DKK2: variants seen among roughly 807,000 people sequenced by gnomAD.
The protein encoded by DKK2 is dickkopf Wnt signaling pathway inhibitor 2, also known as dickkopf-related protein 2.
Under a neutral mutation model 28.1 loss-of-function variants are expected in DKK2, and 11 were observed. The ratio of observed to expected loss-of-function variants is 0.39; its 90% CI spans 0.25 to 0.65. DKK2 has a LOEUF of 0.65. DKK2 is among the 30% of genes least tolerant of loss of function. DKK2 has a pLI of 0.47. For synonymous variants in DKK2, 135 were observed against 126.5 expected (o/e 1.07, Z -0.45); for missense variants, 326 against 335.5 (o/e 0.97, Z 0.22).
chr4:107,005,574 T>C (rs949443002), intron 1 of DKK2, among the ~76,000 whole-genome samples: 35 of 152,268 alleles, frequency 2.3e-4, no homozygotes, highest in African/African-American at 8.2e-4. Flanking sequence ...ATCATTATAT[T>C]CTTTCTTCCT....
chr4:107,019,135 G>T (rs1723654491), intron 1 of DKK2, among the ~76,000 whole-genome samples: 1 of 152,006 alleles, frequency 6.6e-6, no homozygotes, highest in South Asian at 2.1e-4. Flanking sequence ...TACGGGCACG[G>T]CTGTATAGAG....
intron 1 of DKK2, among the ~76,000 whole-genome samples, chr4:106,977,823 T>C: frequency 6.6e-6 from 1 of 152,248 alleles, no homozygotes; most frequent in South Asian, 2.1e-4. Flanking sequence ...GGCGCTCTGG[T>C]TTTTGGAATT....
chr4:106,961,570 C>CACACACAA (rs144852100), intron 1 of DKK2, among the ~76,000 whole-genome samples: 13,477 of 149,154 alleles, frequency 0.09, 819 homozygotes, highest in African/African-American at 0.18. Context: ...AGCCTGCACA[C>CACACACAA]ACACACACAC....
chr4:106,922,728 C>G lies in DKK2; in HGVS notation c.*1226G>C, dbSNP rs142475102. 9 of 152,266 alleles carry G rather than the reference C, an allele frequency of 5.9e-5. No homozygotes were observed. Among genetic ancestry groups the G allele is most frequent in the African/African-American group, 2.2e-4 (9 of 41,582 alleles). The allele number at this position is 152,266 out of a possible 1,614,324, so 9.4% of individuals were successfully genotyped here. A position where few individuals can be genotyped will look rare whatever the true frequency, so the allele number is the denominator to read the frequency against. ...AAATAATTTGAGGATAGTACGGACA[C>G]AGGACCTCACACTGAATTCATCTGC... is the stretch of plus-strand genomic sequence containing the variant. On this transcript the variant is annotated 3_prime_UTR_variant, in exon 4 of 4. Coordinates refer to ENST00000285311, the MANE Select transcript of DKK2 (RefSeq NM_014421.3).
At chr4:107,031,794 A>G (rs1723878781) in intron 1 of DKK2, among the ~76,000 whole-genome samples, 2 of 152,038 alleles carry the variant, frequency 1.3e-5, no homozygotes, top group African/African-American at 4.8e-5. Context: ...TTTCATTCAC[A>G]CAGAAAAATA....
At chr4:106,924,842 T>A in intron 2 of DKK2, 142 bp from the exon 3 acceptor site, 1 of 845,088 alleles carries the variant, frequency 1.2e-6, no homozygotes, top group Non-Finnish European at 1.7e-6. Context: ...TTCATTTACT[T>A]ATTTATTGAG....
At chr4:106,924,818 T>TAGATGG (rs764567781) in intron 2 of DKK2, 118 bp from the exon 3 acceptor site, 4 of 962,070 alleles carry the variant, frequency 4.2e-6, no homozygotes, top group Non-Finnish European at 5.9e-6. Flanking sequence ...TCTATCTATC[T>TAGATGG]ATCCACCCAT....
At chr4:107,019,703 G>A (rs1723663948) in intron 1 of DKK2, among the ~76,000 whole-genome samples, 1 of 151,910 alleles carries the variant, frequency 6.6e-6, no homozygotes, top group African/African-American at 2.4e-5. Flanking sequence ...TAATGATTTT[G>A]TTCATCATTG....
intron 1 of DKK2, among the ~76,000 whole-genome samples, chr4:106,969,403 C>T (rs529025887): frequency 6.6e-6 from 1 of 152,002 alleles, no homozygotes; most frequent in East Asian, 1.9e-4. Flanking sequence ...GTTGATCTAT[C>T]ACTTCCTATG....
intron 1 of DKK2, among the ~76,000 whole-genome samples, chr4:107,007,615 G>A (rs865921134): frequency 3.3e-5 from 5 of 152,066 alleles, no homozygotes; most frequent in East Asian, 1.9e-4. Context: ...GAACATGCTC[G>A]TAAATCTGAA....
intron 1 of DKK2, among the ~76,000 whole-genome samples, chr4:107,028,516 T>A (rs1432612455): frequency 6.6e-6 from 1 of 152,182 alleles, no homozygotes; most frequent in African/African-American, 2.4e-5. Context: ...GTATTATTAC[T>A]CTTACGTTAT....
At chr4:106,961,911 C>T (rs17037148) in intron 1 of DKK2, among the ~76,000 whole-genome samples, 9,365 of 152,046 alleles carry the variant, frequency 0.062, 316 homozygotes, top group Non-Finnish European at 0.074. Flanking sequence ...TAATAAGTGC[C>T]GTAAGTGTTA....
Position 107,000,694 on chromosome 4 carries a change from G to A in DKK2, c.222+34676C>T, listed in dbSNP as rs540831771. Among the ~76,000 whole-genome samples, 7 of 152,062 alleles carry A rather than the reference G, an allele frequency of 4.6e-5. No individual in the cohort carries two copies. The South Asian group carries it at 1.5e-3, about 32-fold the overall frequency. ...CCCATATAAGCCATAAGACAAAAAA[G>A]AACAAATACCTATGGTCCTTTACAT... On this transcript the variant is annotated intron_variant, in intron 1 of 3. Transcript: ENST00000285311.
intron 1 of DKK2, among the ~76,000 whole-genome samples, chr4:107,032,745 T>A (rs572067972): frequency 6.6e-6 from 1 of 152,226 alleles, no homozygotes; most frequent in South Asian, 2.1e-4. Context: ...ATAAAACTTA[T>A]TAGGTCTTAG....
At chr4:106,948,242 C>A (rs1724806584) in intron 1 of DKK2, among the ~76,000 whole-genome samples, 1 of 152,168 alleles carries the variant, frequency 6.6e-6, no homozygotes, top group African/African-American at 2.4e-5. Flanking sequence ...GCATCAGAAT[C>A]ACCTGGAGGG....
intron 1 of DKK2, among the ~76,000 whole-genome samples, chr4:106,984,426 A>T (rs185760012): frequency 6.6e-6 from 1 of 152,268 alleles, no homozygotes; most frequent in Admixed American, 6.5e-5. Context: ...ACTGCTTATG[A>T]GTGGAATCAT....
At chr4:106,992,895 A>C (rs1723224412) in intron 1 of DKK2, among the ~76,000 whole-genome samples, 1 of 152,204 alleles carries the variant, frequency 6.6e-6, no homozygotes, top group African/African-American at 2.4e-5. Flanking sequence ...TAGATGTCTA[A>C]CTGGGACCTC....
intron 1 of DKK2, among the ~76,000 whole-genome samples, chr4:106,936,690 G>A (rs1196544693): frequency 1.3e-5 from 2 of 152,100 alleles, no homozygotes; most frequent in Non-Finnish European, 2.9e-5. Flanking sequence ...TGAAATGAAC[G>A]AAAAAATGTT....
At chr4:106,969,596 T>C (rs1332281215) in intron 1 of DKK2, among the ~76,000 whole-genome samples, 1 of 152,088 alleles carries the variant, frequency 6.6e-6, no homozygotes, top group Non-Finnish European at 1.5e-5. Flanking sequence ...TTCACTCCTC[T>C]CTAATTTTTT....
Sources: gnomAD v4.1 joint callset for allele counts (sites outside exome capture counted in the v4.1 genomes callset) on GRCh38, gnomAD v4.1.1 for gene constraint, MANE v1.5 for transcripts, NCBI Gene and HGNC (gene_info 2026-07-23, HGNC 2026-07-21) for gene names.